Variants in WIPF3 observed in about 807,000 individuals in gnomAD.
WIPF3 encodes the protein WAS/WASL interacting protein family member 3.
Under a neutral mutation model 38.9 loss-of-function variants are expected in WIPF3, and 33 were observed. That is an observed-to-expected ratio of 0.85 (90% CI 0.64 to 1.14). WIPF3 has a LOEUF of 1.14. Among genes scored for constraint, WIPF3 ranks in the 50% most tolerant of loss-of-function variants. WIPF3 has a pLI of 0.00. For missense variants in WIPF3, 711 were observed against 652.5 expected, an observed-to-expected ratio of 1.09 and a Z score of -0.98; for synonymous variants, 324 against 269.3, an observed-to-expected ratio of 1.20 and a Z score of -1.99.
At chr7:29,842,656 G>T (rs946890699) in intron 2 of WIPF3, among the ~76,000 whole-genome samples, 1 of 152,140 alleles carries the variant, frequency 6.6e-6, no homozygotes, top group African/African-American at 2.4e-5. Context: ...TGCATGCAGT[G>T]TAGAAAAACA....
chr7:29,885,648 A>G (rs1239234718), intron 5 of WIPF3, among the ~76,000 whole-genome samples: 1 of 152,044 alleles, frequency 6.6e-6, no homozygotes, highest in African/African-American at 2.4e-5. Context: ...CCATCTCTAC[A>G]GAAAATAAAA....
intron 4 of WIPF3, among the ~76,000 whole-genome samples, chr7:29,881,529 G>T (rs779895651): frequency 5.9e-5 from 9 of 152,084 alleles, no homozygotes; most frequent in Admixed American, 1.3e-4. Context: ...TAGGATCAAA[G>T]AATGTATTTG....
intron 4 of WIPF3, among the ~76,000 whole-genome samples, chr7:29,882,347 T>C (rs1471547494): frequency 1.3e-5 from 2 of 152,258 alleles, no homozygotes; most frequent in South Asian, 2.1e-4. Flanking sequence ...TAGGTTCTCC[T>C]CGTCATCTTT....
intron 8 of WIPF3, among the ~76,000 whole-genome samples, chr7:29,908,021 C>A (rs1285563360): frequency 6.6e-6 from 1 of 152,180 alleles, no homozygotes; most frequent in South Asian, 2.1e-4. Context: ...GTAATTGCTT[C>A]AAATGCAAAC....
intron 5 of WIPF3, among the ~76,000 whole-genome samples, chr7:29,887,531 G>A (rs1785908281): frequency 6.6e-6 from 1 of 152,212 alleles, no homozygotes; most frequent in Non-Finnish European, 1.5e-5. Flanking sequence ...GTAAGATTTA[G>A]GTGGACCGGA....
intron 2 of WIPF3, among the ~76,000 whole-genome samples, chr7:29,852,271 A>G (rs1270867932): frequency 6.6e-6 from 1 of 152,222 alleles, no homozygotes; most frequent in South Asian, 2.1e-4. Context: ...CTCCCAAAGC[A>G]TAGGCATGAG....
At chr7:29,839,322 C>T (rs1276726871) in intron 2 of WIPF3, among the ~76,000 whole-genome samples, 1 of 152,200 alleles carries the variant, frequency 6.6e-6, no homozygotes, top group African/African-American at 2.4e-5. Context: ...GTGATTGATT[C>T]AGACAAGAAT....
chr7:29,852,280 A>G (rs1294233857), intron 2 of WIPF3, among the ~76,000 whole-genome samples: 1 of 152,230 alleles, frequency 6.6e-6, no homozygotes, highest in Non-Finnish European at 1.5e-5. Flanking sequence ...CATAGGCATG[A>G]GCCACGATGC....
chr7:29,901,621 T>C (rs1479093899), intron 7 of WIPF3, among the ~76,000 whole-genome samples: 1 of 151,296 alleles, frequency 6.6e-6, no homozygotes, highest in Non-Finnish European at 1.5e-5. Context: ...CAAAACCCCA[T>C]GTTTCTATTT....
At chr7:29,838,058 A>G (rs113490005) in intron 2 of WIPF3, among the ~76,000 whole-genome samples, 33 of 152,156 alleles carry the variant, frequency 2.2e-4, no homozygotes, top group Non-Finnish European at 4.7e-4. Flanking sequence ...AGCTGGAACT[A>G]CAGGTGCCCG....
chr7:29,887,781 C>G (rs1785912909), intron 5 of WIPF3, among the ~76,000 whole-genome samples: 1 of 152,146 alleles, frequency 6.6e-6, no homozygotes, highest in Admixed American at 6.5e-5. Context: ...CTACATGCCA[C>G]TCAACTTAAA....
At chr7:29,886,334 G>C (rs1308489684) in intron 5 of WIPF3, among the ~76,000 whole-genome samples, 1 of 124,408 alleles carries the variant, frequency 8.0e-6, no homozygotes, top group South Asian at 3.0e-4. Flanking sequence ...ATGATGTGAT[G>C]AAAAAGACAA....
chr7:29,835,120 G>C (rs1440186638), intron 2 of WIPF3, among the ~76,000 whole-genome samples: 1 of 151,876 alleles, frequency 6.6e-6, no homozygotes, highest in Non-Finnish European at 1.5e-5. Context: ...TGTCTCACTG[G>C]AAACCTCACG....
At chr7:29,870,238 G>A (rs189071037) in intron 2 of WIPF3, among the ~76,000 whole-genome samples, 7 of 152,290 alleles carry the variant, frequency 4.6e-5, no homozygotes, top group Admixed American at 3.3e-4. Context: ...TATGCATCGT[G>A]AGGGGATTTG....
intron 3 of WIPF3, among the ~76,000 whole-genome samples, chr7:29,877,715 C>T (rs1210224004): frequency 3.9e-5 from 6 of 152,106 alleles, no homozygotes; most frequent in Non-Finnish European, 2.9e-5. Context: ...TTGTTTTATG[C>T]ACAAAATTAT....
At chr7:29,820,657 C>T (rs1784521390) in intron 1 of WIPF3, among the ~76,000 whole-genome samples, 1 of 152,090 alleles carries the variant, frequency 6.6e-6, no homozygotes, top group Non-Finnish European at 1.5e-5. Flanking sequence ...CACTTCTTCC[C>T]ACCTCCCATC....
chr7:29,884,472 A>AC lies in WIPF3; in HGVS notation c.983dup (p.Lys329Ter). Reference sequence around the variant, plus strand: ...GCAGCAGTGAAACTCCACCCCCGCTACCCCCTAAATCCCCCAGCTTCCAGG... The same window carrying AC: ...GCAGCAGTGAAACTCCACCCCCGCTACCCCCCTAAATCCCCCAGCTTCCAGG... On this transcript the variant is annotated frameshift_variant, in exon 5 of 9. Transcript: ENST00000242140. LOFTEE classifies it high-confidence loss of function. 6.6e-7 allele frequency: 1 copy of AC among 1,526,640 alleles called. No homozygotes were observed. Among genetic ancestry groups the AC allele is most frequent in the Non-Finnish European group, 8.8e-7 (1 of 1,142,452 alleles). 94.6% of individuals were successfully genotyped at this position (1,526,640 alleles called of 1,614,324 possible).
chr7:29,856,712 T>C (rs1785192204), intron 2 of WIPF3, among the ~76,000 whole-genome samples: 2 of 152,218 alleles, frequency 1.3e-5, no homozygotes, highest in African/African-American at 4.8e-5. Context: ...TTTATTTGTT[T>C]ATATTGATTT....
intron 7 of WIPF3, among the ~76,000 whole-genome samples, chr7:29,892,531 T>C (rs930244969): frequency 6.6e-6 from 1 of 152,242 alleles, no homozygotes; most frequent in Non-Finnish European, 1.5e-5. Flanking sequence ...TGTTCATGCC[T>C]GGCACTGTTC....
Sources: gnomAD v4.1 joint callset for allele counts (sites outside exome capture counted in the v4.1 genomes callset) on GRCh38, gnomAD v4.1.1 for gene constraint, MANE v1.5 for transcripts, NCBI Gene and HGNC (gene_info 2026-07-23, HGNC 2026-07-21) for gene names.